The following CCDC32 variants were observed in gnomAD, a reference collection of about 807,000 sequenced individuals.
CCDC32 encodes coiled-coil domain-containing protein 32.
CCDC32 carries 9 observed loss-of-function variants against 20.1 expected under a neutral mutation model. That is an observed-to-expected ratio of 0.45 (90% CI 0.27 to 0.78). The LOEUF is 0.78. Ranked by LOEUF, CCDC32 falls within the 30% of genes least tolerant of loss-of-function variation. The pLI is 0.16. For synonymous variants in CCDC32, 63 were observed against 79.0 expected (o/e 0.80, Z 1.07); for missense variants, 204 against 215.5 (o/e 0.95, Z 0.33).
downstream of CCDC32, among the ~76,000 whole-genome samples, chr15:40,551,745 T>C (rs1566982072): frequency 7.0e-6 from 1 of 142,302 alleles, no homozygotes; most frequent in Non-Finnish European, 1.5e-5. Context: ...AGGTCAAGAC[T>C]GCAGTGAGCT....
chr15:40,549,204 A>G (rs1185254201), downstream of CCDC32, among the ~76,000 whole-genome samples: 2 of 152,112 alleles, frequency 1.3e-5, no homozygotes, highest in Non-Finnish European at 2.9e-5. Flanking sequence ...TTCTCCCACA[A>G]TAAACTCCAA....
downstream of CCDC32, chr15:40,535,842 C>T (rs1889087095): frequency 1.6e-5 from 3 of 187,794 alleles, no homozygotes; most frequent in Non-Finnish European, 3.0e-5. Flanking sequence ...CTAGCCTTTG[C>T]CTTCCCTCCT....
intron 2 of CCDC32, among the ~76,000 whole-genome samples, chr15:40,558,744 T>A (rs755663047): frequency 2.6e-5 from 4 of 152,210 alleles, no homozygotes; most frequent in Non-Finnish European, 2.9e-5. Context: ...GATCATTAAC[T>A]TTCCAAGCCA....
chr15:40,545,311 A>T lies in CCDC32; in HGVS notation c.402-5956T>A, dbSNP rs186742287. Among the ~76,000 whole-genome samples, 3 of 152,286 alleles carry T rather than the reference A, an allele frequency of 2.0e-5. No individual in the cohort carries two copies. In the East Asian group the frequency reaches 5.8e-4, roughly 29 times the overall value. On this transcript the variant is annotated intron_variant, in intron 3 of 3. Coordinates refer to the CCDC32 transcript ENST00000558113. ...TTTAAAATGCTCATAAACTCTCAGT[A>T]ACCTATCTGCTTTCTTCTGCACACA... is the stretch of plus-strand genomic sequence containing the variant.
intron 2 of CCDC32, among the ~76,000 whole-genome samples, chr15:40,561,240 C>T (rs1014460259): frequency 9.2e-5 from 14 of 152,004 alleles, no homozygotes; most frequent in Non-Finnish European, 1.9e-4. Flanking sequence ...TCTGGGAGGC[C>T]GAGGTGGGTG....
chr15:40,555,878 C>G (rs893158626), intron 3 of CCDC32, among the ~76,000 whole-genome samples: 1 of 152,146 alleles, frequency 6.6e-6, no homozygotes, highest in African/African-American at 2.4e-5. Context: ...TTTACTCCCC[C>G]CCATTGATTT....
At chr15:40,526,299 T>C (rs1309319480), downstream of CCDC32, among the ~76,000 whole-genome samples, 1 of 152,224 alleles carries the variant, frequency 6.6e-6, no homozygotes, top group Middle Eastern at 3.2e-3. Context: ...GCTCAATAAA[T>C]ATTTATTGAT....
downstream of CCDC32, among the ~76,000 whole-genome samples, chr15:40,530,153 C>T (rs1407471902): frequency 2.0e-5 from 3 of 151,022 alleles, no homozygotes; most frequent in Non-Finnish European, 4.4e-5. Flanking sequence ...GTGAGCCAGG[C>T]GTGGTGGCAC....
downstream of CCDC32, chr15:40,535,061 G>A (rs1042420361): frequency 2.5e-5 from 18 of 734,044 alleles, no homozygotes; most frequent in Non-Finnish European, 3.4e-5. Context: ...GGACCAGACT[G>A]TGGAGGGTCT....
At chr15:40,521,981 A>AT in the CCDC32 span, among the ~76,000 whole-genome samples, 1 of 151,968 alleles carries the variant, frequency 6.6e-6, no homozygotes, top group Non-Finnish European at 1.5e-5. Context: ...CAGTTTATCT[A>AT]TTTTTTTCTT....
chr15:40,522,911 C>T, the CCDC32 span, among the ~76,000 whole-genome samples: 1 of 147,500 alleles, frequency 6.8e-6, no homozygotes, highest in East Asian at 2.0e-4. Flanking sequence ...ACTGCAACTT[C>T]GGTCTCCAGG....
chr15:40,545,765 G>A (rs1182214426), intron 3 of CCDC32, among the ~76,000 whole-genome samples: 1 of 152,168 alleles, frequency 6.6e-6, no homozygotes, highest in Admixed American at 6.5e-5. Flanking sequence ...CTGAGAGCCT[G>A]CAGCTCCCAA....
intron 2 of CCDC32, among the ~76,000 whole-genome samples, chr15:40,562,398 A>G (rs1890701924): frequency 6.6e-6 from 1 of 151,922 alleles, no homozygotes; most frequent in African/African-American, 2.4e-5. Flanking sequence ...ACATGGTGAA[A>G]TGAAACCCCA....
chr15:40,553,309 A>G lies in CCDC32; in HGVS notation c.*662T>C. The G allele has an allele frequency of 1.0e-6, 1 of 985,454 alleles. No homozygotes were observed. Among genetic ancestry groups the G allele is most frequent in the Middle Eastern group, 5.2e-4 (1 of 1,914 alleles). The allele number at this position is 985,454 out of a possible 1,614,324, so 61.0% of individuals were successfully genotyped here. On this transcript the variant is annotated 3_prime_UTR_variant, in exon 4 of 4. Transcript: ENST00000416810. ...GAGGAAGTTGGAGGAGAAGCCATGC[A>G]TGAAGTAAAAAATACATATACACAG... is the stretch of plus-strand genomic sequence containing the variant.
At chr15:40,540,364 CTTTTTCTTT>C (rs774093107) in intron 3 of CCDC32, among the ~76,000 whole-genome samples, 1 of 147,514 alleles carries the variant, frequency 6.8e-6, no homozygotes. Context: ...TTTTCTTTTT[CTTTTTCTTT>C]TTTTTTTTTT....
intron 3 of CCDC32, among the ~76,000 whole-genome samples, chr15:40,547,092 C>T (rs904735480): frequency 6.6e-6 from 1 of 151,486 alleles, no homozygotes; most frequent in Non-Finnish European, 1.5e-5. Flanking sequence ...AGTGGGGCTG[C>T]CTCTTCTGTC....
At chr15:40,560,640 A>G (rs928104241) in intron 2 of CCDC32, among the ~76,000 whole-genome samples, 10 of 152,240 alleles carry the variant, frequency 6.6e-5, no homozygotes, top group Admixed American at 4.6e-4. Context: ...ATCACTAATC[A>G]TCAGGGAAAT....
At chr15:40,533,950 A>G (rs1888998542), downstream of CCDC32, among the ~76,000 whole-genome samples, 1 of 152,248 alleles carries the variant, frequency 6.6e-6, no homozygotes, top group Non-Finnish European at 1.5e-5. Context: ...TAGAAGGGCT[A>G]AGATCCCAAG....
chr15:40,528,348 G>C (rs1478448713), downstream of CCDC32, among the ~76,000 whole-genome samples: 2 of 152,216 alleles, frequency 1.3e-5, no homozygotes, highest in African/African-American at 2.4e-5. Context: ...ACAGCCCAGG[G>C]GGTGGGGGAG....
Sources: gnomAD v4.1 joint callset for allele counts (sites outside exome capture counted in the v4.1 genomes callset) on GRCh38, gnomAD v4.1.1 for gene constraint, MANE v1.5 for transcripts, NCBI Gene and HGNC (gene_info 2026-07-23, HGNC 2026-07-21) for gene names.